The following WWOX variants were observed in gnomAD, a reference collection of about 807,000 sequenced individuals.
The protein encoded by WWOX is WW domain-containing oxidoreductase.
Under a neutral mutation model 46.2 loss-of-function variants are expected in WWOX, and 69 were observed. The ratio of observed to expected loss-of-function variants is 1.49; its 90% confidence interval spans 1.23 to 1.82. WWOX has a LOEUF of 1.82. Among genes scored for constraint, WWOX ranks in the 40% most tolerant of loss-of-function variants. The pLI, the probability that WWOX is intolerant of heterozygous loss-of-function variation, is 0.00. For synonymous variants in WWOX, 359 were observed against 202.6 expected, an observed-to-expected ratio of 1.77 and a Z score of -6.56; for missense variants, 919 against 542.6, an observed-to-expected ratio of 1.69 and a Z score of -6.89.
chr16:79,115,277 C>T (rs1258775884), intron 8 of WWOX, among the ~76,000 whole-genome samples: 1 of 152,226 alleles, frequency 6.6e-6, no homozygotes, highest in Non-Finnish European at 1.5e-5. Flanking sequence ...TGCATGTAGC[C>T]TGTCTCATAT....
chr16:79,048,373 A>C (rs746496140), intron 8 of WWOX, among the ~76,000 whole-genome samples: 70 of 152,128 alleles, frequency 4.6e-4, no homozygotes, highest in Non-Finnish European at 7.6e-4. Context: ...CTACCTGTTT[A>C]CAAATTACCC....
chr16:78,291,553 C>T (rs989180243), intron 5 of WWOX, among the ~76,000 whole-genome samples: 18 of 152,062 alleles, frequency 1.2e-4, no homozygotes, highest in African/African-American at 4.3e-4. Context: ...CTTATTATTT[C>T]GGTCTGAAAC....
intron 5 of WWOX, among the ~76,000 whole-genome samples, chr16:78,355,360 T>C (rs1010231983): frequency 2.6e-5 from 4 of 152,150 alleles, no homozygotes; most frequent in Non-Finnish European, 4.4e-5. Flanking sequence ...CCCAGCACTT[T>C]GGGAGGCTGA....
chr16:78,222,739 A>G (rs997833836), intron 5 of WWOX, among the ~76,000 whole-genome samples: 2 of 152,230 alleles, frequency 1.3e-5, no homozygotes, highest in Non-Finnish European at 2.9e-5. Context: ...TCCATGGTGA[A>G]TTTGTAATAT....
intron 8 of WWOX, among the ~76,000 whole-genome samples, chr16:78,951,851 C>G (rs2046066766): frequency 6.6e-6 from 1 of 152,076 alleles, no homozygotes; most frequent in Admixed American, 6.6e-5. Flanking sequence ...CACCAGCATG[C>G]CAAAGGCAGA....
intron 8 of WWOX, among the ~76,000 whole-genome samples, chr16:79,068,917 T>C (rs2048495605): frequency 6.6e-6 from 1 of 151,984 alleles, no homozygotes; most frequent in Non-Finnish European, 1.5e-5. Context: ...TCCTTGGGTC[T>C]GATGCCCACG....
At chr16:78,262,321 A>G (rs927605751) in intron 5 of WWOX, among the ~76,000 whole-genome samples, 1 of 152,194 alleles carries the variant, frequency 6.6e-6, no homozygotes, top group Admixed American at 6.5e-5. Context: ...TCTCTGGTAG[A>G]TATAAAGTAT....
chr16:78,547,187 C>T (rs117615826), intron 8 of WWOX, among the ~76,000 whole-genome samples: 1 of 147,142 alleles, frequency 6.8e-6, no homozygotes, highest in Admixed American at 6.8e-5. Context: ...GGAATGTCTG[C>T]CAGTTTCAAC....
chr16:79,089,265 T>C (rs2150596707), intron 8 of WWOX, among the ~76,000 whole-genome samples: 1 of 152,220 alleles, frequency 6.6e-6, no homozygotes, highest in East Asian at 1.9e-4. Context: ...ATGATTAGAA[T>C]ATTTGTAAAG....
chr16:78,975,397 C>G (rs534631515), intron 8 of WWOX, among the ~76,000 whole-genome samples: 1 of 151,664 alleles, frequency 6.6e-6, no homozygotes, highest in African/African-American at 2.4e-5. Context: ...CAAAATCTTA[C>G]GTGGTCCTGG....
At chr16:78,709,828 A>C (rs191911763) in intron 8 of WWOX, among the ~76,000 whole-genome samples, 1 of 151,472 alleles carries the variant, frequency 6.6e-6, no homozygotes, top group Admixed American at 6.6e-5. Context: ...TTCTGGGTTC[A>C]AGTGATTCTC....
intron 6 of WWOX, among the ~76,000 whole-genome samples, chr16:78,393,512 A>T (rs1289719847): frequency 6.6e-6 from 1 of 152,196 alleles, no homozygotes; most frequent in Non-Finnish European, 1.5e-5. Context: ...AAATTTTTTA[A>T]AAAACGGTTT....
chr16:78,247,905 C>G (rs2037862286), intron 5 of WWOX, among the ~76,000 whole-genome samples: 1 of 152,174 alleles, frequency 6.6e-6, no homozygotes, highest in African/African-American at 2.4e-5. Flanking sequence ...CGATCCATAG[C>G]CCTCTGTAAA....
chr16:79,038,868 C>T (rs1050801498), intron 8 of WWOX, among the ~76,000 whole-genome samples: 11 of 152,086 alleles, frequency 7.2e-5, no homozygotes, highest in African/African-American at 2.7e-4. Context: ...ACTTTTAAAT[C>T]AGAAAAATAC....
chr16:78,415,893 G>T (rs546004154), intron 6 of WWOX, among the ~76,000 whole-genome samples: 1 of 152,146 alleles, frequency 6.6e-6, no homozygotes, highest in African/African-American at 2.4e-5. Context: ...TCTAGTTGAA[G>T]GGGTTGCTGG....
intron 8 of WWOX, among the ~76,000 whole-genome samples, chr16:78,801,205 A>C (rs1257756050): frequency 1.3e-5 from 2 of 151,994 alleles, no homozygotes; most frequent in Non-Finnish European, 2.9e-5. Flanking sequence ...AAACAAACAA[A>C]CAAACACCAC....
At chr16:78,729,020 A>G (rs147284276) in intron 8 of WWOX, among the ~76,000 whole-genome samples, 90 of 152,204 alleles carry the variant, frequency 5.9e-4, no homozygotes, top group African/African-American at 2.1e-3. Flanking sequence ...TCATCCCCCT[A>G]AAGATATCCC....
At chr16:78,512,305 T>C (rs911314754) in intron 8 of WWOX, among the ~76,000 whole-genome samples, 2 of 152,326 alleles carry the variant, frequency 1.3e-5, no homozygotes, top group Admixed American at 6.5e-5. Context: ...ATTACTCTTA[T>C]GGATTGTTCA....
At chr16:78,112,405 A>G (rs1270759097) in intron 3 of WWOX, among the ~76,000 whole-genome samples, 3 of 151,772 alleles carry the variant, frequency 2.0e-5, no homozygotes, top group African/African-American at 7.3e-5. Flanking sequence ...AGTTACAGTA[A>G]CAAGTTCAAA....
Sources: allele counts gnomAD v4.1 joint callset (sites outside exome capture counted in the v4.1 genomes callset), GRCh38; gene constraint gnomAD v4.1.1; transcripts MANE v1.5; gene names NCBI Gene and HGNC (gene_info 2026-07-23, HGNC 2026-07-21).